GOT1L1: variants seen among roughly 807,000 people sequenced by gnomAD.
GOT1L1 encodes glutamic-oxaloacetic transaminase 1 like 1, also known as aspartate aminotransferase, cytoplasmic 2.
GOT1L1 carries 38 observed loss-of-function variants against 43.6 expected under a neutral mutation model. The observed-to-expected ratio is 0.87, with a 90% CI of 0.67 to 1.14. The LOEUF (loss-of-function observed/expected upper bound fraction) is 1.14, where lower values mean the gene tolerates loss of function less well. Among genes scored for constraint, GOT1L1 ranks in the 50% most tolerant of loss-of-function variants. The probability of loss-of-function intolerance (pLI) is 0.00; values close to 1 mark genes in which losing one functional copy is unlikely to be tolerated. For missense variants in GOT1L1, 482 were observed against 504.0 expected (o/e 0.96, Z 0.42); for synonymous variants, 183 against 187.2 (o/e 0.98, Z 0.18).
At chr8:37,937,098 AG>A (rs1280552432) in intron 4 of GOT1L1, 41 bp from the exon 5 acceptor site, 2 of 1,582,802 alleles carry the variant, frequency 1.3e-6, no homozygotes, top group African/African-American at 2.7e-5. Context: ...ACCCCCACCC[AG>A]GAGTGGCGGC....
chr8:37,935,358 G>GT, intron 7 of GOT1L1, 143 bp from the exon 8 acceptor site: 1 of 905,074 alleles, frequency 1.1e-6, no homozygotes, highest in Non-Finnish European at 1.6e-6. Flanking sequence ...TGGGAGGGAG[G>GT]TTTGATCTCA....
rs752618398 is a variant in GOT1L1 at position 37,935,053 on chromosome 8, C to T, written c.1072+20G>A. The T allele has an allele frequency of 8.1e-6, 13 of 1,613,284 alleles. No homozygotes were observed. Among genetic ancestry groups the T allele is most frequent in the Admixed American group, 1.7e-5 (1 of 59,970 alleles). ...GGCCAAAGGTCAGAAAGGGGGGACA[C>T]CAGCCCCCTAGACCCTTACAGTTGA... On this transcript the variant is annotated intron_variant, in intron 8 of 8. Coordinates refer to ENST00000307599, the MANE Select transcript of GOT1L1 (RefSeq NM_152413.3).
chr8:37,939,340 G>A (rs1393472210), intron 1 of GOT1L1, among the ~76,000 whole-genome samples: 1 of 149,210 alleles, frequency 6.7e-6, no homozygotes, highest in Non-Finnish European at 1.5e-5. Flanking sequence ...TTTGAGCCCA[G>A]GAGGCAAAGG....
Position 37,935,074 on chromosome 8 carries a change from G to T in GOT1L1, c.1071C>A (p.Asn357Lys). Residue 357 changes from asparagine (N) to lysine (K), a missense_variant and splice_region_variant, in exon 8 of 9, where the codon AAC (asparagine) becomes AAA (lysine). Transcript: ENST00000307599. ...QSGTHGYLGL[N>K]SQQVEYLVRK... ...GACACCAGCCCCCTAGACCCTTACA[G>T]TTGAGTCCAAGATAGCCGTGGGTCC... 6.2e-7 allele frequency: 1 copy of T among 1,613,894 alleles called. No homozygotes were observed. The highest frequency in any genetic ancestry group is 8.5e-7 in the Non-Finnish European group (1 of 1,179,806).
At chr8:37,935,597 A>G in intron 7 of GOT1L1, 107 bp downstream of exon 7, 1 of 1,041,490 alleles carries the variant, frequency 9.6e-7, no homozygotes, top group Non-Finnish European at 1.3e-6. Flanking sequence ...TGGAGTAAAA[A>G]GGCCACATGG....
intron 1 of GOT1L1, among the ~76,000 whole-genome samples, chr8:37,939,416 GAAA>G (rs4058283): frequency 8.9e-4 from 19 of 21,396 alleles, no homozygotes; most frequent in South Asian, 2.3e-3. Context: ...CCTGTCTCAA[GAAA>G]AAAAAAAAAA....
Position 37,935,735 on chromosome 8 carries a change from T to A in GOT1L1, c.898A>T (p.Ile300Phe), listed in dbSNP as rs765055444. The A allele has an allele frequency of 6.2e-7, 1 of 1,607,146 alleles. No homozygotes were observed. The highest frequency in any genetic ancestry group is 1.3e-5 in the African/African-American group (1 of 74,506). Reference protein sequence around the residue: ...PNTGARVITSILCNPALLGEW... With the variant: ...PNTGARVITSFLCNPALLGEW... ...CCCAGCAGAGCAGGGTTGCAGAGGA[T>A]GGAGGTGATGACACGTGCACCCGTG... The change falls in exon 7 of 9, where the codon ATC becomes TTC. Residue 300 changes from isoleucine (I) to phenylalanine (F), a missense_variant. By Grantham distance (21) the Ile-to-Phe change is conservative. Transcript: ENST00000307599.
chr8:37,937,166 G>T, intron 4 of GOT1L1, 109 bp from the exon 5 acceptor site: 1 of 1,273,194 alleles, frequency 7.9e-7, no homozygotes, highest in Non-Finnish European at 1.1e-6. Flanking sequence ...GAAGGGCCAG[G>T]CAAATTCAAA....
intron 1 of GOT1L1, among the ~76,000 whole-genome samples, chr8:37,939,451 T>A (rs1166975466): frequency 0.14 from 12,574 of 88,704 alleles, 1,913 homozygotes; most frequent in Admixed American, 0.16. Flanking sequence ...TATATATATA[T>A]ATATATATAT....
At position 37,936,969 on chromosome 8, in the gene GOT1L1, A is replaced by G. The variant is rs568080555; in HGVS notation, c.608T>C (p.Ile203Thr). 5 of 1,613,826 alleles carry G rather than the reference A, an allele frequency of 3.1e-6. No individual in the cohort carries two copies. The African/African-American group carries it at 5.3e-5, about 17-fold the overall frequency. ...CGGGTGGGAGATTGGGTTTACCTTTATCATGGACATCAACTTTGCCCACCC... is the reference window on the plus strand; with the variant it reads ...CGGGTGGGAGATTGGGTTTACCTTTGTCATGGACATCAACTTTGCCCACCC... The part of the protein sequence containing the change: ...PSGWAKLMSM[I>T]KSKQIFPFFD... Residue 203 changes from isoleucine (I) to threonine (T), a missense_variant, in exon 5 of 9, where the codon ATA becomes ACA. Transcript: ENST00000307599.
Position 37,937,305 on chromosome 8 carries a change from TC to T in GOT1L1, c.490del (p.Asp164ThrfsTer19). 1.2e-6 allele frequency: 2 copies of T among 1,608,024 alleles called. No homozygotes were observed. Among genetic ancestry groups the T allele is most frequent in the Non-Finnish European group, 1.7e-6 (2 of 1,177,644 alleles). ...SVWDPKKLCM[D>X]PDILLNVVEQ... ...CACCACATTGAGGAGTATGTCGGGG[TC>T]CATGCATAGCTTCTTGGGGTCCCAG... is the stretch of plus-strand genomic sequence containing the variant. On this transcript the variant is annotated frameshift_variant, in exon 4 of 9. Coordinates refer to ENST00000307599, the MANE Select transcript of GOT1L1 (RefSeq NM_152413.3). LOFTEE classifies it high-confidence loss of function.
At chr8:37,937,418 C>T in intron 3 of GOT1L1, 32 bp from the exon 4 acceptor site, 1 of 1,413,970 alleles carries the variant, frequency 7.1e-7, no homozygotes, top group Non-Finnish European at 9.8e-7. Flanking sequence ...CTAGCTGGTA[C>T]ATGGGAAACA....
At chr8:37,934,762 GA>G (rs1450779589) in intron 8 of GOT1L1, among the ~76,000 whole-genome samples, 2 of 152,054 alleles carry the variant, frequency 1.3e-5, no homozygotes, top group African/African-American at 4.8e-5. Flanking sequence ...TTTTAGTAGA[GA>G]CGGGGTTTCA....
Position 37,938,784 on chromosome 8 carries a change from C to T in GOT1L1, c.213G>A (p.Leu71=), listed in dbSNP as rs1807834556. 10 of 1,613,008 alleles carry T rather than the reference C, an allele frequency of 6.2e-6. No individual in the cohort carries two copies. Among genetic ancestry groups the T allele is most frequent in the Non-Finnish European group, 8.5e-6 (10 of 1,179,490 alleles). Reference sequence around the variant, plus strand: ...TGAATGATTTCAGGCCCATGGTGGGCAAGTACTCATAATTCAGGGAGGGAT... The same window carrying T: ...TGAATGATTTCAGGCCCATGGTGGGTAAGTACTCATAATTCAGGGAGGGAT... ...SQDPSLNYEY[L]PTMGLKSFIQ... is the part of the protein sequence containing the mutation. Residue 71 remains leucine, a synonymous_variant, in exon 2 of 9, where the codon TTG becomes TTA. Transcript: ENST00000307599.
chr8:37,940,073 G>C lies in GOT1L1; in HGVS notation c.-44C>G. On this transcript the variant is annotated 5_prime_UTR_variant, in exon 1 of 9. Coordinates refer to ENST00000307599, the MANE Select transcript of GOT1L1 (RefSeq NM_152413.3). ...GCCAAGACTATGTGTCTCTGCTCCTGTGTTCCGCTTCTGCCCAGAAGTCTT... is the reference window on the plus strand; with the variant it reads ...GCCAAGACTATGTGTCTCTGCTCCTCTGTTCCGCTTCTGCCCAGAAGTCTT... The C allele has an allele frequency of 6.3e-7, 1 of 1,575,662 alleles. No homozygotes were observed. Among genetic ancestry groups the C allele is most frequent in the Non-Finnish European group, 8.6e-7 (1 of 1,160,450 alleles).
chr8:37,939,272 G>A (rs892770591), intron 1 of GOT1L1, among the ~76,000 whole-genome samples: 2 of 151,236 alleles, frequency 1.3e-5, no homozygotes, highest in Non-Finnish European at 2.9e-5. Flanking sequence ...AAAACAGCCA[G>A]ACATGGTGAC....
In GOT1L1 at chr8:37,936,820, G is replaced by A. The variant is rs765766580; in HGVS notation, c.663C>T (p.Thr221=). 1 of 1,611,604 alleles carries A rather than the reference G, an allele frequency of 6.2e-7. No homozygotes were observed. Among genetic ancestry groups the A allele is most frequent in the South Asian group, 1.1e-5 (1 of 91,030 alleles). Residue 221 remains threonine (T), a synonymous_variant, in exon 6 of 9, where the codon ACC becomes ACT. Transcript: ENST00000307599. ...FFDIPCQGLY[T]SDLEEDTRIL... ...TTCTAGTATCTTCTTCCAAGTCACT[G>A]GTGTATAAACCTTGACAGGGAATAT...
Position 37,937,281 on chromosome 8 carries a change from A to C in GOT1L1, c.515T>G (p.Val172Gly), listed in dbSNP as rs775730379. Residue 172 changes from valine to glycine, a missense_variant, in exon 4 of 9, where the codon GTG becomes GGG. Transcript: ENST00000307599. The part of the protein sequence containing the change: ...CMDPDILLNV[V>G]EQIPHGCVLV... ...TTCTGAGCGGGGCCCCTCTACCTCC[A>C]CCACATTGAGGAGTATGTCGGGGTC... The C allele has an allele frequency of 5.7e-6, 9 of 1,588,758 alleles. No individual in the cohort carries two copies. Among genetic ancestry groups the C allele is most frequent in the Non-Finnish European group, 7.7e-6 (9 of 1,167,720 alleles).
At chr8:37,937,989 G>C (rs745580282) in intron 2 of GOT1L1, among the ~76,000 whole-genome samples, 1 of 152,240 alleles carries the variant, frequency 6.6e-6, no homozygotes, top group Non-Finnish European at 1.5e-5. Flanking sequence ...TGCAGTGAGC[G>C]GAGATCAGGC....
Sources: allele counts gnomAD v4.1 joint callset (sites outside exome capture counted in the v4.1 genomes callset), GRCh38; gene constraint gnomAD v4.1.1; transcripts MANE v1.5; gene names NCBI Gene and HGNC (gene_info 2026-07-23, HGNC 2026-07-21).